Variants in AKT3 observed in about 807,000 individuals in gnomAD.
AKT3 encodes RAC-gamma serine/threonine-protein kinase.
In AKT3, 15 loss-of-function variants were observed where a neutral mutation model predicts 65.3. That is an observed-to-expected ratio of 0.23 (90% CI 0.15 to 0.35). AKT3 has a LOEUF of 0.35. Ranked by LOEUF, AKT3 falls within the 10% of genes least tolerant of loss-of-function variation. The pLI is 1.00. For missense variants in AKT3, 243 were observed against 576.5 expected (o/e 0.42, Z 5.92); for synonymous variants, 206 against 183.8 (o/e 1.12, Z -0.98).
At chr1:243,496,996 A>G (rs1466630950), downstream of AKT3, among the ~76,000 whole-genome samples, 1 of 152,246 alleles carries the variant, frequency 6.6e-6, no homozygotes, top group Non-Finnish European at 1.5e-5. Flanking sequence ...GGAGGGCCAC[A>G]GCAAGGGCCA....
intron 10 of AKT3, among the ~76,000 whole-genome samples, chr1:243,560,081 A>G (rs769053814): frequency 6.6e-5 from 10 of 151,902 alleles, no homozygotes; most frequent in Non-Finnish European, 1.3e-4. Flanking sequence ...ATCCCTATCT[A>G]TGTGTCCAGC....
chr1:243,622,627 G>A (rs1250467070), intron 6 of AKT3, among the ~76,000 whole-genome samples: 1 of 152,160 alleles, frequency 6.6e-6, no homozygotes, highest in African/African-American at 2.4e-5. Flanking sequence ...TAACCTTGGT[G>A]CATGCTGCTG....
intron 13 of AKT3, among the ~76,000 whole-genome samples, chr1:243,511,213 C>T (rs1669991166): frequency 6.6e-6 from 1 of 152,270 alleles, no homozygotes; most frequent in Non-Finnish European, 1.5e-5. Flanking sequence ...GCTGACCCAA[C>T]TTCAGGACCT....
At chr1:243,494,150 C>T (rs1026821436) in intron 13 of AKT3, among the ~76,000 whole-genome samples, 5 of 152,192 alleles carry the variant, frequency 3.3e-5, no homozygotes, top group African/African-American at 1.2e-4. Flanking sequence ...AAGCCTCCTC[C>T]TGAACCAAGA....
intron 1 of AKT3, among the ~76,000 whole-genome samples, chr1:243,844,093 A>T (rs1695407492): frequency 6.6e-6 from 1 of 152,242 alleles, no homozygotes; most frequent in Non-Finnish European, 1.5e-5. Context: ...GTAAAGTGAA[A>T]CAAAGGGAAT....
intron 12 of AKT3, among the ~76,000 whole-genome samples, chr1:243,529,305 G>C (rs1426630522): frequency 6.6e-6 from 1 of 151,630 alleles, no homozygotes; most frequent in Non-Finnish European, 1.5e-5. Context: ...TCTTTAATTA[G>C]GTCAAGTTTT....
intron 2 of AKT3, among the ~76,000 whole-genome samples, chr1:243,784,854 G>T (rs2148319774): frequency 6.6e-6 from 1 of 152,238 alleles, no homozygotes; most frequent in South Asian, 2.1e-4. Flanking sequence ...ACAAAGGCCT[G>T]GGCTCAAGGG....
chr1:243,783,464 A>AT (rs1691039473), intron 2 of AKT3, among the ~76,000 whole-genome samples: 1 of 152,160 alleles, frequency 6.6e-6, no homozygotes, highest in Admixed American at 6.5e-5. Context: ...ACCTCACCCT[A>AT]TATCTTCATC....
At chr1:243,597,831 C>T (rs960950943) in intron 8 of AKT3, among the ~76,000 whole-genome samples, 1 of 152,170 alleles carries the variant, frequency 6.6e-6, no homozygotes, top group African/African-American at 2.4e-5. Context: ...CTGTCTTGCT[C>T]ATGTAGTATA....
chr1:243,621,771 T>C (rs545343517), intron 6 of AKT3, among the ~76,000 whole-genome samples: 74 of 152,332 alleles, frequency 4.9e-4, no homozygotes, highest in African/African-American at 1.7e-3. Flanking sequence ...ATGCTTTCAG[T>C]TGCTTAGACC....
rs148286614 is a variant in AKT3, at chr1:243,730,399, C to T, written c.47-34683G>A. Among the ~76,000 whole-genome samples, 119 of 152,316 alleles carry T rather than the reference C, an allele frequency of 7.8e-4. 1 individual carries two copies. The East Asian group carries it at 0.02, about 25-fold the overall frequency. On this transcript the variant is annotated intron_variant, in intron 2 of 13. Transcript: ENST00000673466. ...TCTTCCTGGACAAAGGACCAGAATT[C>T]GGGACCCACCCAACAGTGGGCATGA...
rs55765060 is a variant in AKT3 at position 243,649,313 on chromosome 1, ATGTGTGTGTGTG to A, written c.285-3288_285-3277del. On this transcript the variant is annotated intron_variant, in intron 4 of 13. Transcript: ENST00000673466. ...ATGACCAAGAATATGTTATGTGTAT[ATGTGTGTGTGTG>A]TGTGTGTGTGTGTGTGTGTGTGTGT... Among the ~76,000 whole-genome samples, 893 of 145,994 alleles carry A rather than the reference ATGTGTGTGTGTG, an allele frequency of 6.1e-3. 10 individuals are homozygous for A. Among genetic ancestry groups the A allele is most frequent in the African/African-American group, 0.019 (726 of 38,334 alleles).
intron 12 of AKT3, among the ~76,000 whole-genome samples, chr1:243,541,284 A>C (rs1322986575): frequency 6.6e-6 from 1 of 152,198 alleles, no homozygotes; most frequent in Non-Finnish European, 1.5e-5. Context: ...TTAGACAATC[A>C]ATCACTTATT....
intron 8 of AKT3, among the ~76,000 whole-genome samples, chr1:243,580,077 C>T (rs12119594): frequency 1.1e-4 from 17 of 152,120 alleles, no homozygotes; most frequent in African/African-American, 3.1e-4. Flanking sequence ...GCTTTCTGCA[C>T]GCCTCAGCCA....
At chr1:243,747,409 C>CT (rs1255896657) in intron 2 of AKT3, among the ~76,000 whole-genome samples, 2 of 152,156 alleles carry the variant, frequency 1.3e-5, no homozygotes, top group East Asian at 1.9e-4. Flanking sequence ...TATTTTCATG[C>CT]TTTTTTTATT....
chr1:243,630,121 C>T (rs538079173), intron 6 of AKT3, among the ~76,000 whole-genome samples: 3 of 152,224 alleles, frequency 2.0e-5, no homozygotes, highest in East Asian at 1.9e-4. Context: ...CTCAAAATAC[C>T]GTAAGATGAC....
At chr1:243,730,883 C>T (rs1558761268) in intron 2 of AKT3, among the ~76,000 whole-genome samples, 1 of 152,246 alleles carries the variant, frequency 6.6e-6, no homozygotes, top group Non-Finnish European at 1.5e-5. Flanking sequence ...GGAGCCGGCA[C>T]CTCTGCCAGC....
chr1:243,627,312 A>G (rs969334471), intron 6 of AKT3, among the ~76,000 whole-genome samples: 9 of 148,924 alleles, frequency 6.0e-5, no homozygotes, highest in Non-Finnish European at 1.3e-4. Flanking sequence ...TGGACAACAT[A>G]GTGAGACCCT....
At chr1:243,780,438 T>C (rs1162453465) in intron 2 of AKT3, among the ~76,000 whole-genome samples, 2 of 152,006 alleles carry the variant, frequency 1.3e-5, no homozygotes, top group African/African-American at 2.4e-5. Flanking sequence ...TTATGTAGGA[T>C]ACCACTTTTG....
Sources: allele counts gnomAD v4.1 joint callset (sites outside exome capture counted in the v4.1 genomes callset), GRCh38; gene constraint gnomAD v4.1.1; transcripts MANE v1.5; gene names NCBI Gene and HGNC (gene_info 2026-07-23, HGNC 2026-07-21).